The following SGCD variants were observed in gnomAD, a reference collection of about 807,000 sequenced individuals.
The protein encoded by SGCD is delta-sarcoglycan.
SGCD carries 18 observed loss-of-function variants against 36.6 expected under a neutral mutation model. The ratio of observed to expected loss-of-function variants is 0.49; its 90% CI spans 0.34 to 0.73. The LOEUF (loss-of-function observed/expected upper bound fraction) is 0.73, where lower values mean the gene tolerates loss of function less well. Among genes scored for constraint, SGCD ranks in the 30% least tolerant of loss-of-function variants. The pLI is 0.01. For missense variants in SGCD, 387 were observed against 346.7 expected (o/e 1.12, Z -0.92); for synonymous variants, 133 against 130.6 (o/e 1.02, Z -0.12).
At chr5:156,545,952 G>T (rs552481947) in intron 4 of SGCD, among the ~76,000 whole-genome samples, 2 of 152,244 alleles carry the variant, frequency 1.3e-5, no homozygotes, top group African/African-American at 4.8e-5. Flanking sequence ...GTGTCAAGTG[G>T]GTGTCAGTTT....
At chr5:156,215,567 G>T (rs1425901942) in intron 3 of SGCD, among the ~76,000 whole-genome samples, 2 of 152,020 alleles carry the variant, frequency 1.3e-5, no homozygotes, top group Non-Finnish European at 2.9e-5. Flanking sequence ...AGGCTAACAG[G>T]TATATGAAAA....
At chr5:155,991,855 A>T (rs920974265) in intron 1 of SGCD, among the ~76,000 whole-genome samples, 1 of 152,220 alleles carries the variant, frequency 6.6e-6, no homozygotes, top group Non-Finnish European at 1.5e-5. Context: ...ATCTTGTAGA[A>T]TTACCCTCTC....
intron 3 of SGCD, among the ~76,000 whole-genome samples, chr5:156,174,258 GAGGCTTACTTTAGATAAC>G (rs965151992): frequency 6.6e-6 from 1 of 152,212 alleles, no homozygotes; most frequent in Non-Finnish European, 1.5e-5. Flanking sequence ...GTAGAGGGGA[GAGGCTTACTTTAGATAAC>G]AGGTTGCAGG....
chr5:155,919,578 C>A (rs992442088), intron 1 of SGCD, among the ~76,000 whole-genome samples: 1 of 152,080 alleles, frequency 6.6e-6, no homozygotes, highest in Admixed American at 6.6e-5. Context: ...AAACAAAATG[C>A]GGCTATATTT....
intron 7 of SGCD, among the ~76,000 whole-genome samples, chr5:156,745,307 C>A (rs1047497351): frequency 4.6e-5 from 7 of 152,148 alleles, no homozygotes; most frequent in Non-Finnish European, 1.0e-4. Context: ...AATTTCTCTA[C>A]CACTTGATAA....
At chr5:156,340,618 G>A (rs903894576) in intron 2 of SGCD, among the ~76,000 whole-genome samples, 6 of 152,196 alleles carry the variant, frequency 3.9e-5, no homozygotes, top group South Asian at 4.1e-4. Flanking sequence ...GAAAAAGATA[G>A]GGTTTAGCGA....
At chr5:156,207,471 A>C (rs1259800529) in intron 3 of SGCD, among the ~76,000 whole-genome samples, 1 of 152,206 alleles carries the variant, frequency 6.6e-6, no homozygotes, top group Non-Finnish European at 1.5e-5. Flanking sequence ...TAATTATACT[A>C]TCAATCTTTG....
Position 156,389,616 on chromosome 5 carries a change from T to C in SGCD, c.192+44939T>C, listed in dbSNP as rs79405457. Among the ~76,000 whole-genome samples the C allele has an allele frequency of 1.6e-4, 24 of 152,270 alleles. No homozygotes were observed. In the East Asian group the frequency reaches 4.6e-3, roughly 29 times the overall value. ...GGGTTTCAGAATGAAACTGTCCCAC[T>C]GATCTGACAGGAGGCAGAGCTCAGG... On this transcript the variant is annotated intron_variant, in intron 3 of 8. Coordinates refer to ENST00000337851, the MANE Select transcript of SGCD (RefSeq NM_000337.6).
intron 3 of SGCD, among the ~76,000 whole-genome samples, chr5:156,504,544 C>T (rs1015115745): frequency 1.3e-5 from 2 of 151,962 alleles, no homozygotes; most frequent in African/African-American, 4.8e-5. Flanking sequence ...ACATATTCCT[C>T]TGCAAGAACT....
intron 1 of SGCD, among the ~76,000 whole-genome samples, chr5:156,008,415 C>T (rs758958711): frequency 6.6e-6 from 1 of 152,052 alleles, no homozygotes; most frequent in African/African-American, 2.4e-5. Flanking sequence ...TGGCTCTGCT[C>T]TTCAGGCTGG....
chr5:156,181,956 C>A (rs867650687), intron 3 of SGCD, among the ~76,000 whole-genome samples: 11 of 152,180 alleles, frequency 7.2e-5, no homozygotes, highest in African/African-American at 2.4e-4. Flanking sequence ...GGAGTCTTCT[C>A]TAAATCATAT....
chr5:156,193,369 C>A (rs887029777), intron 3 of SGCD, among the ~76,000 whole-genome samples: 15 of 152,116 alleles, frequency 9.9e-5, no homozygotes, highest in African/African-American at 3.4e-4. Flanking sequence ...AGACTTCATT[C>A]TTTTGTGCAA....
At chr5:156,368,434 A>T (rs931957096) in intron 3 of SGCD, among the ~76,000 whole-genome samples, 5 of 152,128 alleles carry the variant, frequency 3.3e-5, no homozygotes, top group African/African-American at 1.2e-4. Flanking sequence ...ATTATTTTCT[A>T]TCTTATGACA....
At chr5:156,377,919 G>A (rs980741573) in intron 3 of SGCD, among the ~76,000 whole-genome samples, 15 of 152,124 alleles carry the variant, frequency 9.9e-5, no homozygotes, top group African/African-American at 3.6e-4. Flanking sequence ...TAACATAGTG[G>A]TTTGAAACAA....
intron 7 of SGCD, among the ~76,000 whole-genome samples, chr5:156,699,605 C>T (rs1323007126): frequency 6.6e-6 from 1 of 151,864 alleles, no homozygotes; most frequent in Non-Finnish European, 1.5e-5. Context: ...TTTGATTTTT[C>T]TAAATTTCCT....
At chr5:156,342,012 G>A (rs1242959005) in intron 2 of SGCD, among the ~76,000 whole-genome samples, 1 of 152,268 alleles carries the variant, frequency 6.6e-6, no homozygotes, top group African/African-American at 2.4e-5. Flanking sequence ...ATGCCCGGCT[G>A]AGTACAAATG....
At chr5:156,101,432 G>A (rs527984220) in intron 1 of SGCD, among the ~76,000 whole-genome samples, 9 of 152,288 alleles carry the variant, frequency 5.9e-5, no homozygotes, top group African/African-American at 1.7e-4. Flanking sequence ...AAGAAGCTAA[G>A]GAAAGCTGTG....
At chr5:155,923,188 C>G (rs1756923655) in intron 1 of SGCD, among the ~76,000 whole-genome samples, 1 of 150,558 alleles carries the variant, frequency 6.6e-6, no homozygotes. Context: ...TTTTGAACTT[C>G]TAGCCTTTAA....
intron 3 of SGCD, among the ~76,000 whole-genome samples, chr5:156,391,764 A>G (rs992164660): frequency 4.6e-5 from 7 of 152,204 alleles, no homozygotes; most frequent in Middle Eastern, 3.2e-3. Flanking sequence ...CTCTATATAC[A>G]TGTATGTGTT....
Sources: allele counts gnomAD v4.1 joint callset (sites outside exome capture counted in the v4.1 genomes callset), GRCh38; gene constraint gnomAD v4.1.1; transcripts MANE v1.5; gene names NCBI Gene and HGNC (gene_info 2026-07-23, HGNC 2026-07-21).